PRUNE2: variants seen among roughly 807,000 people sequenced by gnomAD.
PRUNE2 encodes prune homolog 2 with BCH domain.
In PRUNE2, 164 loss-of-function variants were observed where a neutral mutation model predicts 252.0. That is an observed-to-expected ratio of 0.65 (90% CI 0.57 to 0.74). The LOEUF (loss-of-function observed/expected upper bound fraction) is 0.74, where lower values mean the gene tolerates loss of function less well. PRUNE2 is among the 30% of genes least tolerant of loss of function. The pLI is 0.00. For missense variants in PRUNE2, 3,495 were observed against 3,711.0 expected (o/e 0.94, Z 1.51); for synonymous variants, 1,292 against 1,350.2 (o/e 0.96, Z 0.94).
chr9:76,768,577 ATATGTATGTGTGTGTG>A (rs1213616937), intron 6 of PRUNE2, among the ~76,000 whole-genome samples: 2 of 98,072 alleles, frequency 2.0e-5, no homozygotes, highest in Non-Finnish European at 2.4e-5. Context: ...ATATATATGT[ATATGTATGTGTGTGTG>A]TGTGTGTGTG....
intron 4 of PRUNE2, among the ~76,000 whole-genome samples, chr9:76,841,688 C>G (rs2059402354): frequency 1.3e-5 from 2 of 152,218 alleles, no homozygotes; most frequent in Admixed American, 1.3e-4. Context: ...CAGGGAAGTT[C>G]AGACTGGGCA....
rs139501403 is a variant in PRUNE2 at position 76,654,882 on chromosome 9, AG to A, written c.8356+540del. Among the ~76,000 whole-genome samples the A allele has an allele frequency of 7.1e-3, 1,084 of 152,264 alleles. 19 individuals are homozygous for A. The highest frequency in any genetic ancestry group is 0.024 in the African/African-American group (1,009 of 41,542). ...ATTCAGGATCTTGGTATGATCCTGG[AG>A]TTGGTGTAATGCAAGAGAGTGACCC... On this transcript the variant is annotated intron_variant, in intron 10 of 18. Transcript: ENST00000376718.
chr9:76,648,306 A>G (rs1447739434), intron 11 of PRUNE2, among the ~76,000 whole-genome samples: 1 of 152,166 alleles, frequency 6.6e-6, no homozygotes, highest in Admixed American at 6.5e-5. Flanking sequence ...TCTAGCCATC[A>G]TACTCCTTGG....
rs12340384 is a variant in PRUNE2 at position 76,751,075 on chromosome 9, C to A, written c.757-37354G>T. Among the ~76,000 whole-genome samples the A allele has an allele frequency of 9.3e-3, 1,414 of 152,310 alleles. 20 individuals are homozygous for A. Among genetic ancestry groups the A allele is most frequent in the African/African-American group, 0.032 (1,323 of 41,554 alleles). On this transcript the variant is annotated intron_variant, in intron 6 of 18. Transcript: ENST00000376718. ...CTTTTTGGCTCAACATATTAGCCCA[C>A]CTAAATCTAGACCCGTAACATACGC...
intron 11 of PRUNE2, among the ~76,000 whole-genome samples, chr9:76,647,343 G>A (rs988572173): frequency 2.0e-5 from 3 of 152,158 alleles, no homozygotes; most frequent in African/African-American, 7.2e-5. Context: ...GTAAAATAAT[G>A]AATCTGGACC....
intron 15 of PRUNE2, among the ~76,000 whole-genome samples, chr9:76,630,030 C>A (rs902466870): frequency 5.3e-5 from 8 of 152,134 alleles, no homozygotes; most frequent in African/African-American, 1.9e-4. Flanking sequence ...CTAACCTGGG[C>A]AGTCTGACTT....
intron 1 of PRUNE2, among the ~76,000 whole-genome samples, chr9:76,875,435 G>A (rs764961778): frequency 6.6e-6 from 1 of 152,046 alleles, no homozygotes; most frequent in Non-Finnish European, 1.5e-5. Flanking sequence ...GCATGATCTC[G>A]GCTCACTGCA....
At chr9:76,676,451 T>A (rs1425661108) in intron 9 of PRUNE2, among the ~76,000 whole-genome samples, 1 of 152,164 alleles carries the variant, frequency 6.6e-6, no homozygotes, top group African/African-American at 2.4e-5. Flanking sequence ...ACATTTAGAA[T>A]GATACTATTT....
At position 76,615,302 on chromosome 9, in the gene PRUNE2, G is replaced by A. The variant is rs566054154; in HGVS notation, c.9237-702C>T. On this transcript the variant is annotated intron_variant, in intron 18 of 18. Transcript: ENST00000376718. The stretch of plus-strand genomic sequence containing the variant: ...TAAATAGAGGAAGAATTTCAGTTGC[G>A]ATAAAAGAGAAACTATTAGTTTGCA... The A allele has an allele frequency of 1.0e-5, 9 of 895,308 alleles. No homozygotes were observed. In the East Asian group the frequency reaches 4.8e-4, roughly 47 times the overall value. The allele number at this position is 895,308 out of a possible 1,614,324, so 55.5% of individuals were successfully genotyped here.
rs374586417 is a variant in PRUNE2, at chr9:76,713,673, C to T, written c.805G>A (p.Asp269Asn). The change falls in exon 7 of 19, where the codon GAC becomes AAC. Residue 269 changes from aspartate (D) to asparagine (N), a missense_variant. Transcript: ENST00000376718. ...ATGAGGACATCAAAACCAAACTTGT[C>T]TGTAAATGCTTTCAAGTCACTGGTA... The part of the protein sequence containing the change: ...NITSDLKAFT[D>N]KFGFDVLILF... The T allele has an allele frequency of 2.2e-4, 347 of 1,600,640 alleles. No individual in the cohort carries two copies. Among genetic ancestry groups the T allele is most frequent in the Non-Finnish European group, 2.9e-4 (337 of 1,173,060 alleles).
intron 10 of PRUNE2, among the ~76,000 whole-genome samples, chr9:76,654,364 C>A (rs1848482240): frequency 6.6e-6 from 1 of 152,162 alleles, no homozygotes; most frequent in East Asian, 1.9e-4. Flanking sequence ...TGGAACATCA[C>A]CCAAACTCTG....
At chr9:76,774,457 T>TATTTATTTATTTATTTTTA (rs756648285) in intron 6 of PRUNE2, among the ~76,000 whole-genome samples, 1 of 73,556 alleles carries the variant, frequency 1.4e-5, no homozygotes, top group African/African-American at 5.9e-5. Flanking sequence ...ACCCTTTTTT[T>TATTTATTTATTTATTTTTA]TTTTTTTTTT....
chr9:76,782,070 C>T (rs959111577), intron 6 of PRUNE2, among the ~76,000 whole-genome samples: 4 of 152,064 alleles, frequency 2.6e-5, no homozygotes, highest in African/African-American at 9.7e-5. Flanking sequence ...AAAAATTAGC[C>T]CAGCGTGGTG....
intron 6 of PRUNE2, chr9:76,736,730 G>A (rs1479216437): frequency 6.6e-6 from 1 of 152,136 alleles, no homozygotes; most frequent in Non-Finnish European, 1.5e-5. Context: ...ATCATTTTGG[G>A]GATTTGGATT....
At chr9:76,901,508 T>C (rs1279423204) in intron 1 of PRUNE2, among the ~76,000 whole-genome samples, 1 of 152,202 alleles carries the variant, frequency 6.6e-6, no homozygotes, top group Non-Finnish European at 1.5e-5. Flanking sequence ...ACTTTAAATA[T>C]CCTTTTTATT....
intron 6 of PRUNE2, among the ~76,000 whole-genome samples, chr9:76,754,808 A>C (rs1277051670): frequency 6.6e-6 from 1 of 151,996 alleles, no homozygotes; most frequent in African/African-American, 2.4e-5. Context: ...CTACTAAAAA[A>C]TACAAAAATT....
chr9:76,852,897 G>A (rs2060046368), intron 2 of PRUNE2, among the ~76,000 whole-genome samples: 1 of 151,970 alleles, frequency 6.6e-6, no homozygotes, highest in South Asian at 2.1e-4. Context: ...TTTATTGGAT[G>A]TCAAGACATT....
In PRUNE2 at chr9:76,796,307, GATAAA is replaced by G. The variant is rs377011127; in HGVS notation, c.756+27320_756+27324del. On this transcript the variant is annotated intron_variant, in intron 6 of 18. Transcript: ENST00000376718. ...ACAATATCATTAAATGACAAGGGCT[GATAAA>G]ATAAAGCCTCGCTACGATCATTACC... Among the ~76,000 whole-genome samples the G allele has an allele frequency of 2.4e-4, 37 of 152,276 alleles. No individual in the cohort carries two copies. In the East Asian group the frequency reaches 6.2e-3, roughly 25 times the overall value.
At chr9:76,640,187 C>A (rs180982662) in intron 12 of PRUNE2, among the ~76,000 whole-genome samples, 17 of 152,156 alleles carry the variant, frequency 1.1e-4, no homozygotes, top group African/African-American at 4.1e-4. Context: ...CTCCCAGAAC[C>A]CAACGTGTTA....
Sources: gnomAD v4.1 joint callset for allele counts (sites outside exome capture counted in the v4.1 genomes callset) on GRCh38, gnomAD v4.1.1 for gene constraint, MANE v1.5 for transcripts, NCBI Gene and HGNC (gene_info 2026-07-23, HGNC 2026-07-21) for gene names.